IVD: variants seen among roughly 807,000 people sequenced by gnomAD.
IVD encodes the protein isovaleryl-CoA dehydrogenase.
Under a neutral mutation model 51.3 loss-of-function variants are expected in IVD, and 31 were observed. That is an observed-to-expected ratio of 0.60 (90% confidence interval 0.45 to 0.81). IVD has a LOEUF of 0.81. Ranked by LOEUF, IVD falls within the 40% of genes least tolerant of loss-of-function variation. The pLI is 0.00. For missense variants in IVD, 475 were observed against 552.0 expected (o/e 0.86, Z 1.40); for synonymous variants, 205 against 219.4 (o/e 0.93, Z 0.58).
intron 7 of IVD, among the ~76,000 whole-genome samples, chr15:40,431,576 TC>T (rs1220124245): frequency 2.0e-5 from 3 of 151,794 alleles, no homozygotes; most frequent in Non-Finnish European, 2.9e-5. Context: ...GCGCCTGTAG[TC>T]CCAGCTACTC....
chr15:40,418,905 G>T lies in IVD; in HGVS notation c.*642G>T. 1 of 538,492 alleles carries T rather than the reference G, an allele frequency of 1.9e-6. No homozygotes were observed. The highest frequency in any genetic ancestry group is 2.8e-6 in the Non-Finnish European group (1 of 357,712). The allele number at this position is 538,492 out of a possible 1,614,324, so 33.4% of individuals were successfully genotyped here. On this transcript the variant is annotated 3_prime_UTR_variant, in exon 12 of 12. Coordinates refer to ENST00000487418, the MANE Select transcript of IVD (RefSeq NM_002225.5). ...CCCAGCACTTCAGGAGGCTGAGATG[G>T]GTGGATCACCTGAGGTCAGGAGTTC...
chr15:40,432,874 T>A (rs1255339804), intron 7 of IVD, among the ~76,000 whole-genome samples: 1 of 152,160 alleles, frequency 6.6e-6, no homozygotes, highest in Non-Finnish European at 1.5e-5. Flanking sequence ...AGGCACTACA[T>A]TGTCAGAGCT....
At chr15:40,408,775 ACT>A (rs1233541703) in intron 3 of IVD, among the ~76,000 whole-genome samples, 1 of 151,672 alleles carries the variant, frequency 6.6e-6, no homozygotes, top group African/African-American at 2.4e-5. Flanking sequence ...ACATGGAGAA[ACT>A]CTGTCTCTAC....
chr15:40,433,386 C>T (rs552907140), intron 7 of IVD, among the ~76,000 whole-genome samples: 1 of 152,204 alleles, frequency 6.6e-6, no homozygotes, highest in Non-Finnish European at 1.5e-5. Context: ...CACCTGCCCC[C>T]TCTGGACCTC....
At chr15:40,415,594 T>G in intron 9 of IVD, 112 bp downstream of exon 9, 1 of 889,088 alleles carries the variant, frequency 1.1e-6, no homozygotes, top group Non-Finnish European at 1.8e-6. Context: ...TCTAGCAAAT[T>G]GAGCTTGACT....
intron 7 of IVD, 184 bp downstream of exon 7, chr15:40,413,271 C>A: frequency 3.1e-6 from 2 of 649,172 alleles, no homozygotes; most frequent in South Asian, 1.6e-5. Flanking sequence ...GGCCCTGCAG[C>A]GGCATGCCTA....
At position 40,407,818 on chromosome 15, in the gene IVD, T is replaced by G. The variant is rs548453855; in HGVS notation, c.234+93T>G. 90 of 1,458,244 alleles carry G rather than the reference T, an allele frequency of 6.2e-5. No individual in the cohort carries two copies. The African/African-American group carries it at 1.2e-3, about 19-fold the overall frequency. 90.3% of individuals were successfully genotyped at this position (1,458,244 alleles called of 1,614,324 possible). A position where few individuals can be genotyped will look rare whatever the true frequency, so the allele number is the denominator to read the frequency against. ...AGAGCTCACACAGTTTTCTGGTAAA[T>G]GAAGCCTCTCTAAGAATGCAGCCCC... On this transcript the variant is annotated intron_variant, in intron 2 of 11. Coordinates refer to ENST00000487418, the MANE Select transcript of IVD (RefSeq NM_002225.5).
Position 40,418,283 on chromosome 15 carries a change from C to T in IVD, c.*20C>T. On this transcript the variant is annotated 3_prime_UTR_variant, in exon 12 of 12. Transcript: ENST00000487418. ...CACTAGTCCTGAGACCCTTCGCCCC[C>T]TTTTCCTGCACCTAGTGGCCTTTCT... 3 of 1,613,598 alleles carry T rather than the reference C, an allele frequency of 1.9e-6. No homozygotes were observed. Among genetic ancestry groups the T allele is most frequent in the South Asian group, 1.1e-5 (1 of 91,014 alleles).
At chr15:40,425,504 G>A (rs1012736158), downstream of IVD, among the ~76,000 whole-genome samples, 3 of 148,082 alleles carry the variant, frequency 2.0e-5, no homozygotes, top group Non-Finnish European at 4.4e-5. Context: ...TCATTGTATA[G>A]TTTTTGTTTT....
chr15:40,418,705 T>TG lies in IVD; in HGVS notation c.*444dup. ...TCTCTGCTCAAGCACAGCAGAATCA[T>TG]GGCCCCTCTCCATGAATTGGAACTT... On this transcript the variant is annotated 3_prime_UTR_variant, in exon 12 of 12. Coordinates refer to ENST00000487418, the MANE Select transcript of IVD (RefSeq NM_002225.5). 1 of 1,114,830 alleles carries TG rather than the reference T, an allele frequency of 9.0e-7. No homozygotes were observed. Among genetic ancestry groups the TG allele is most frequent in the Non-Finnish European group, 1.1e-6 (1 of 906,696 alleles). 69.1% of individuals were successfully genotyped at this position (1,114,830 alleles called of 1,614,324 possible).
Position 40,413,125 on chromosome 15 carries a change from C to T in IVD, c.784+38C>T, listed in dbSNP as rs575520205. On this transcript the variant is annotated intron_variant, in intron 7 of 11. Transcript: ENST00000487418. ...GGGAATCGGGGAGCCCCTCTCCTGA[C>T]CCCCTTCCAGGCTGATCTGGCTGTT... 1.3e-5 allele frequency: 20 copies of T among 1,519,270 alleles called. No individual in the cohort carries two copies. The African/African-American group carries it at 1.5e-4, about 11-fold the overall frequency. 94.1% of individuals were successfully genotyped at this position (1,519,270 alleles called of 1,614,324 possible).
At chr15:40,411,418 G>T (rs1039203303) in intron 5 of IVD, 65 bp downstream of exon 5, 2 of 1,595,460 alleles carry the variant, frequency 1.3e-6, no homozygotes, top group East Asian at 4.5e-5. Context: ...GGATAATGGA[G>T]CAACAATTGT....
At chr15:40,428,326 A>C (rs531484583), downstream of IVD, among the ~76,000 whole-genome samples, 2 of 151,930 alleles carry the variant, frequency 1.3e-5, no homozygotes, top group East Asian at 3.9e-4. Context: ...CACCACCTAG[A>C]TATTGAGATC....
At chr15:40,411,764 G>A in intron 6 of IVD, 73 bp downstream of exon 6, 1 of 1,540,864 alleles carries the variant, frequency 6.5e-7, no homozygotes. Flanking sequence ...CCCGTTCACT[G>A]ATCTCAAATG....
At chr15:40,416,890 G>A (rs1441519848) in intron 11 of IVD, among the ~76,000 whole-genome samples, 3 of 152,138 alleles carry the variant, frequency 2.0e-5, no homozygotes, top group Non-Finnish European at 4.4e-5. Context: ...CCGCCTCATA[G>A]ATGCTAGGAA....
downstream of IVD, among the ~76,000 whole-genome samples, chr15:40,422,485 G>A (rs191152426): frequency 1.6e-4 from 24 of 148,750 alleles, no homozygotes; most frequent in African/African-American, 5.5e-4. Context: ...GGGTTTCGCC[G>A]TGTTAGCCAG....
chr15:40,433,569 T>C (rs1893102218), intron 7 of IVD, among the ~76,000 whole-genome samples: 1 of 152,162 alleles, frequency 6.6e-6, no homozygotes, highest in African/African-American at 2.4e-5. Context: ...CAAGTTGATA[T>C]CTGAGCGGAC....
At chr15:40,421,377 G>C, downstream of IVD, 3 of 985,448 alleles carry the variant, frequency 3.0e-6, no homozygotes, top group Non-Finnish European at 3.6e-6. Context: ...GGCGTGTTTG[G>C]TTGCCTACAT....
chr15:40,422,749 G>A (rs1041768386), downstream of IVD, among the ~76,000 whole-genome samples: 1 of 83,248 alleles, frequency 1.2e-5, no homozygotes, highest in Admixed American at 1.4e-4. Context: ...ACAGGCATGT[G>A]CCACCATGCC....
Sources: allele counts gnomAD v4.1 joint callset (sites outside exome capture counted in the v4.1 genomes callset), GRCh38; gene constraint gnomAD v4.1.1; transcripts MANE v1.5; gene names NCBI Gene and HGNC (gene_info 2026-07-23, HGNC 2026-07-21).